The following EXD3 variants were observed in gnomAD, a reference collection of about 807,000 sequenced individuals.
EXD3 encodes exonuclease 3'-5' domain containing 3, also known as exonuclease mut-7 homolog.
Under a neutral mutation model 98.0 loss-of-function variants are expected in EXD3, and 92 were observed. That is an observed-to-expected ratio of 0.94 (90% CI 0.79 to 1.12). The LOEUF (loss-of-function observed/expected upper bound fraction) is 1.12. Ranked by LOEUF, EXD3 falls within the 50% of genes most tolerant of loss-of-function variation. EXD3 has a pLI of 0.00. For synonymous variants in EXD3, 569 were observed against 526.0 expected, an observed-to-expected ratio of 1.08 and a Z score of -1.12; for missense variants, 1,222 against 1,191.6, an observed-to-expected ratio of 1.03 and a Z score of -0.38.
chr9:137,309,990 G>A (rs573259257), intron 19 of EXD3, among the ~76,000 whole-genome samples: 3 of 152,330 alleles, frequency 2.0e-5, no homozygotes, highest in East Asian at 3.9e-4. Flanking sequence ...CAGAGCCCTC[G>A]AGGGCAGAAC....
At chr9:137,397,728 C>G (rs1837283739) in intron 1 of EXD3, among the ~76,000 whole-genome samples, 1 of 152,036 alleles carries the variant, frequency 6.6e-6, no homozygotes, top group African/African-American at 2.4e-5. Context: ...GCGGGAGGAT[C>G]ACTTGAGCCC....
rs1035370160 is a variant in EXD3 at position 137,361,358 on chromosome 9, T to C, written c.657-4990A>G. The stretch of plus-strand genomic sequence containing the variant: ...AAAGTTTTCAAGCCTTACAAAGAGC[T>C]GGGAACAGGATCTGCTCCCAAGACC... On this transcript the variant is annotated intron_variant, in intron 7 of 21. Transcript: ENST00000340951. Among the ~76,000 whole-genome samples, 18 of 86,752 alleles carry C rather than the reference T, an allele frequency of 2.1e-4. 6 individuals are homozygous for C. The allele number at this position is 86,752 out of a possible 152,430, so 56.9% of individuals were successfully genotyped here. A position where few individuals can be genotyped will look rare whatever the true frequency, so the allele number is the denominator to read the frequency against.
chr9:137,309,477 C>T (rs1018834426), intron 20 of EXD3, 130 bp downstream of exon 20: 15 of 728,304 alleles, frequency 2.1e-5, no homozygotes, highest in Non-Finnish European at 3.1e-5. Flanking sequence ...TTCCACCTGT[C>T]GTCACCTGGC....
At position 137,385,824 on chromosome 9, in the gene EXD3, G is replaced by A. The variant is rs1040157329; in HGVS notation, c.56-2447C>T. On this transcript the variant is annotated intron_variant, in intron 2 of 21. Transcript: ENST00000340951. This position sits in a 1 kb window ranked among gnomAD's most constrained non-coding sequence, Gnocchi z 4.4. ...GCTGGGATGACAGGCGTGAGCCACC[G>A]CGCCCAGCCCAGATTTTCTTTTAAA... 1.3e-4 allele frequency among the ~76,000 whole-genome samples: 20 copies of A among 151,140 alleles called. No homozygotes were observed. The highest frequency in any genetic ancestry group is 2.2e-4 in the Non-Finnish European group (15 of 67,878).
chr9:137,413,993 T>C (rs990053805), intron 1 of EXD3, among the ~76,000 whole-genome samples: 1 of 149,646 alleles, frequency 6.7e-6, no homozygotes, highest in Non-Finnish European at 1.5e-5. Context: ...CTCGGCTCAC[T>C]GCAAGCTCTG....
Position 137,330,341 on chromosome 9 carries a change from ACTACACAGGACTACACAGGAG to A in EXD3, c.1999-6219_1999-6199del, listed in dbSNP as rs1455800152. ...CCGGAGCTACACGGGACTACACAGG[ACTACACAGGACTACACAGGAG>A]CTACACAGGAGCTACACAGGACTAC... On this transcript the variant is annotated intron_variant, in intron 17 of 21. Coordinates refer to ENST00000340951, the MANE Select transcript of EXD3 (RefSeq NM_017820.5). Among the ~76,000 whole-genome samples the A allele has an allele frequency of 2.8e-4, 33 of 119,070 alleles. 2 individuals are homozygous for A. The highest frequency in any genetic ancestry group is 9.2e-4 in the African/African-American group (29 of 31,528). 78.1% of individuals were successfully genotyped at this position (119,070 alleles called of 152,430 possible). A position where few individuals can be genotyped will look rare whatever the true frequency, so the allele number is the denominator to read the frequency against.
chr9:137,326,133 G>T (rs541727430), intron 17 of EXD3, among the ~76,000 whole-genome samples: 1 of 151,528 alleles, frequency 6.6e-6, no homozygotes, highest in East Asian at 1.9e-4. Context: ...ACTTCCTGGC[G>T]CTGTATTTGG....
At chr9:137,420,169 CA>C (rs201720036) in intron 1 of EXD3, among the ~76,000 whole-genome samples, 1 of 150,826 alleles carries the variant, frequency 6.6e-6, no homozygotes, top group African/African-American at 2.4e-5. Context: ...AAAAAAAAAA[CA>C]AAAAAAACCC....
Position 137,395,507 on chromosome 9 carries a change from T to TG in EXD3, c.-47-104dup, listed in dbSNP as rs965910278. On this transcript the variant is annotated intron_variant, in intron 1 of 21. Transcript: ENST00000340951. This position sits in a 1 kb window ranked among gnomAD's most constrained non-coding sequence, Gnocchi z 6.5. ...GGAGGTGGTGGAGGGAGCTGGTGCC[T>TG]GGGGGGGCCCAAGTGGGACCCCCAG... 2.3e-5 allele frequency: 26 copies of TG among 1,131,516 alleles called. No homozygotes were observed. Among genetic ancestry groups the TG allele is most frequent in the African/African-American group, 6.2e-5 (4 of 64,586 alleles). 70.1% of individuals were successfully genotyped at this position (1,131,516 alleles called of 1,614,324 possible). A position where few individuals can be genotyped will look rare whatever the true frequency, so the allele number is the denominator to read the frequency against.
At chr9:137,373,119 T>TGGGCCATGGGGCCGATTGAGGC in intron 4 of EXD3, 47 bp from the exon 5 acceptor site, 1 of 1,512,172 alleles carries the variant, frequency 6.6e-7, no homozygotes, top group Non-Finnish European at 8.8e-7. Flanking sequence ...ACCCAGTGGC[T>TGGGCCATGGGGCCGATTGAGGC]GGGCCATGGG....
At chr9:137,388,058 A>G (rs551007817) in intron 2 of EXD3, among the ~76,000 whole-genome samples, 1 of 152,168 alleles carries the variant, frequency 6.6e-6, no homozygotes, top group Non-Finnish European at 1.5e-5. Flanking sequence ...GTGTATTAGG[A>G]GGACACCTAG....
At chr9:137,418,072 C>T (rs375671910) in intron 1 of EXD3, among the ~76,000 whole-genome samples, 5 of 152,228 alleles carry the variant, frequency 3.3e-5, no homozygotes, top group African/African-American at 7.2e-5. Flanking sequence ...TGTGGCCGGG[C>T]GCAGTGGCTC....
At chr9:137,337,136 C>T (rs1173765584) in intron 17 of EXD3, among the ~76,000 whole-genome samples, 1 of 152,088 alleles carries the variant, frequency 6.6e-6, no homozygotes, top group Non-Finnish European at 1.5e-5. Flanking sequence ...TAGCAAAGAG[C>T]ATTACTGGAG....
rs202215318 is a variant in EXD3, at chr9:137,373,108, C to T, written c.295-36G>A. On this transcript the variant is annotated intron_variant, in intron 4 of 21. Coordinates refer to ENST00000340951, the MANE Select transcript of EXD3 (RefSeq NM_017820.5). ...AGGGACCCAGACTTACTGGACGCAG[C>T]ACCCAGTGGCTGGGCCATGGGGCCG... is the stretch of plus-strand genomic sequence containing the variant. 3.9e-5 allele frequency: 60 copies of T among 1,520,444 alleles called. No homozygotes were observed. The African/African-American group carries it at 5.5e-4, about 14-fold the overall frequency. 94.2% of individuals were successfully genotyped at this position (1,520,444 alleles called of 1,614,324 possible).
intron 3 of EXD3, among the ~76,000 whole-genome samples, chr9:137,381,999 C>T (rs1250093498): frequency 5.5e-5 from 8 of 144,822 alleles, no homozygotes; most frequent in Non-Finnish European, 1.2e-4. Context: ...GGTGAGGACG[C>T]GGGGAGGAGG....
At chr9:137,364,207 G>A (rs1384726915) in intron 7 of EXD3, among the ~76,000 whole-genome samples, 1 of 152,096 alleles carries the variant, frequency 6.6e-6, no homozygotes, top group East Asian at 1.9e-4. Flanking sequence ...AAAAGCCCTT[G>A]CTTCTTTCAG....
At position 137,417,411 on chromosome 9, in the gene EXD3, C is replaced by A. The variant is rs1423886929; in HGVS notation, c.-48+5703G>T. On this transcript the variant is annotated intron_variant, in intron 1 of 21. Coordinates refer to ENST00000340951, the MANE Select transcript of EXD3 (RefSeq NM_017820.5). ...GTGAGGCCGAACCTGACCACGGGTTCCGCGGCGCGGAGGCCCCTGCTGACC... is the reference window on the plus strand; with the variant it reads ...GTGAGGCCGAACCTGACCACGGGTTACGCGGCGCGGAGGCCCCTGCTGACC... Among the ~76,000 whole-genome samples, 23 of 152,340 alleles carry A rather than the reference C, an allele frequency of 1.5e-4. 1 individual carries two copies. In the South Asian group the frequency reaches 4.6e-3, roughly 30 times the overall value.
chr9:137,321,675 T>A (rs1181148282), intron 19 of EXD3, among the ~76,000 whole-genome samples: 1 of 152,070 alleles, frequency 6.6e-6, no homozygotes, highest in Non-Finnish European at 1.5e-5. Flanking sequence ...GGAGTGAGAC[T>A]CCGTCCCACC....
chr9:137,383,375 G>A lies in EXD3; in HGVS notation c.58C>T (p.Arg20Trp), dbSNP rs1443638677. 16 of 1,545,872 alleles carry A rather than the reference G, an allele frequency of 1.0e-5. No individual in the cohort carries two copies. The highest frequency in any genetic ancestry group is 3.9e-5 in the Admixed American group (2 of 50,776). ...GCCTGCAGGAGCAGGAGGGGGTCCCGGCCTGTGGAGATAAGATAACAGCCG... is the reference window on the plus strand; with the variant it reads ...GCCTGCAGGAGCAGGAGGGGGTCCCAGCCTGTGGAGATAAGATAACAGCCG... Reference protein sequence around the residue: ...PAAGERHRMGRDPLLLLQALQ... With the variant: ...PAAGERHRMGWDPLLLLQALQ... The change falls in exon 3 of 22, where the codon CGG becomes TGG. Residue 20 changes from arginine (R) to tryptophan (W), a missense_variant and splice_region_variant. Coordinates refer to ENST00000340951, the MANE Select transcript of EXD3 (RefSeq NM_017820.5).
Sources: gnomAD v4.1 joint callset for allele counts (sites outside exome capture counted in the v4.1 genomes callset) on GRCh38, gnomAD v4.1.1 for gene constraint, Gnocchi (gnomAD v3.1) non-coding constraint, MANE v1.5 for transcripts, NCBI Gene and HGNC (gene_info 2026-07-23, HGNC 2026-07-21) for gene names.